ARFGEF1: variants seen among roughly 807,000 people sequenced by gnomAD.
ARFGEF1 encodes ARF guanine nucleotide exchange factor 1.
A neutral mutation model predicts 231.0 loss-of-function variants in ARFGEF1; 42 were observed. The ratio of observed to expected loss-of-function variants is 0.18; its 90% CI spans 0.14 to 0.24. ARFGEF1 has a LOEUF of 0.24. Ranked by LOEUF, ARFGEF1 falls within the 10% of genes least tolerant of loss-of-function variation. The pLI is 1.00. For missense variants in ARFGEF1, 1,345 were observed against 2,192.0 expected (o/e 0.61, Z 7.72); for synonymous variants, 710 against 732.3 (o/e 0.97, Z 0.49).
chr8:67,199,427 T>C lies in ARFGEF1; in HGVS notation c.5386-329A>G, dbSNP rs550530995. ...AGTTGAGATTTTATAAGCTATGGGTTACTGAAATTTTATCTTTTGTTACAT... is the reference window on the plus strand; with the variant it reads ...AGTTGAGATTTTATAAGCTATGGGTCACTGAAATTTTATCTTTTGTTACAT... On this transcript the variant is annotated intron_variant, in intron 38 of 38. Coordinates refer to ENST00000262215, the MANE Select transcript of ARFGEF1 (RefSeq NM_006421.5). 10 of 198,312 alleles carry C rather than the reference T, an allele frequency of 5.0e-5. No homozygotes were observed. In the South Asian group the frequency reaches 1.2e-3, roughly 24 times the overall value. 12.3% of individuals were successfully genotyped at this position (198,312 alleles called of 1,614,324 possible).
At chr8:67,296,317 TAA>T (rs990424088) in intron 5 of ARFGEF1, 112 bp downstream of exon 5, 1 of 982,438 alleles carries the variant, frequency 1.0e-6, no homozygotes, top group African/African-American at 1.6e-5. Flanking sequence ...GAAATGTAAA[TAA>T]AAGACATTCT....
chr8:67,214,890 AAAG>A (rs552228001), intron 33 of ARFGEF1, among the ~76,000 whole-genome samples: 31 of 152,320 alleles, frequency 2.0e-4, no homozygotes, highest in African/African-American at 6.0e-4. Flanking sequence ...CCTTTAAGAA[AAAG>A]AAGAACAACT....
At chr8:67,272,603 T>C (rs1805142859) in intron 9 of ARFGEF1, among the ~76,000 whole-genome samples, 1 of 152,198 alleles carries the variant, frequency 6.6e-6, no homozygotes, top group Admixed American at 6.5e-5. Context: ...CAAATCATCA[T>C]CAACTTGTCA....
At chr8:67,255,832 G>A (rs990034173) in intron 17 of ARFGEF1, among the ~76,000 whole-genome samples, 1 of 152,216 alleles carries the variant, frequency 6.6e-6, no homozygotes, top group African/African-American at 2.4e-5. Flanking sequence ...GCACTGTTAT[G>A]CTAAAGACGG....
chr8:67,190,803 A>G (rs747931153), intron 5 of ARFGEF1: 1 of 1,412,496 alleles, frequency 7.1e-7, no homozygotes, highest in Non-Finnish European at 1.0e-6. Context: ...TAGAAGAATG[A>G]GAGGTCTGGG....
intron 1 of ARFGEF1, among the ~76,000 whole-genome samples, chr8:67,340,954 G>T (rs1808597227): frequency 6.6e-6 from 1 of 152,202 alleles, no homozygotes; most frequent in Non-Finnish European, 1.5e-5. Flanking sequence ...ATGCTCATGA[G>T]TGGTAGGGAA....
At chr8:67,337,178 G>C (rs914762498) in intron 1 of ARFGEF1, among the ~76,000 whole-genome samples, 3 of 143,808 alleles carry the variant, frequency 2.1e-5, no homozygotes, top group Non-Finnish European at 4.5e-5. Flanking sequence ...AAATTATTTT[G>C]TGTTATTCTC....
Position 67,253,629 on chromosome 8 carries a change from A to G in ARFGEF1, c.2527-7T>C. The G allele has an allele frequency of 7.2e-7, 1 of 1,384,154 alleles. No homozygotes were observed. The highest frequency in any genetic ancestry group is 9.7e-7 in the Non-Finnish European group (1 of 1,027,292). 85.7% of individuals were successfully genotyped at this position (1,384,154 alleles called of 1,614,324 possible). ...TTGTCATTTTATTTTTCACCTAGAT[A>G]TGAAAAACCATTATAATTCCTAAAA... On this transcript the variant is annotated splice_polypyrimidine_tract_variant and splice_region_variant and intron_variant, in intron 17 of 38. Coordinates refer to ENST00000262215, the MANE Select transcript of ARFGEF1 (RefSeq NM_006421.5).
intron 6 of ARFGEF1, among the ~76,000 whole-genome samples, chr8:67,290,749 T>C (rs867962471): frequency 6.6e-6 from 1 of 152,196 alleles, no homozygotes; most frequent in Non-Finnish European, 1.5e-5. Context: ...GGGGGAAATT[T>C]TGGCAAGGGC....
chr8:67,279,357 C>T (rs1341319602), intron 7 of ARFGEF1, among the ~76,000 whole-genome samples: 2 of 152,244 alleles, frequency 1.3e-5, no homozygotes, highest in African/African-American at 4.8e-5. Flanking sequence ...TGCAGCACCA[C>T]AAAAATACAT....
intron 1 of ARFGEF1, among the ~76,000 whole-genome samples, chr8:67,305,338 T>C (rs1313891425): frequency 6.6e-6 from 1 of 152,158 alleles, no homozygotes; most frequent in Admixed American, 6.5e-5. Context: ...GAATAAATAA[T>C]GGCCAGTTCT....
rs775125363 is a variant in ARFGEF1 at position 67,310,969 on chromosome 8, G to GGGGTCAGCTCCCCA, written c.125-8504_125-8503insTGGGGAGCTGACCC. On this transcript the variant is annotated intron_variant, in intron 1 of 38. Coordinates refer to ENST00000262215, the MANE Select transcript of ARFGEF1 (RefSeq NM_006421.5). ...CCACCCCGTCCAGGAGGGAGGTGGG[G>GGGGTCAGCTCCCCA]CCCGGGAGGGAGGTTGGGGGGTCAG... 3.3e-3 allele frequency among the ~76,000 whole-genome samples: 15 copies of GGGGTCAGCTCCCCA among 4,600 alleles called. No homozygotes were observed. In the East Asian group the frequency reaches 0.036, roughly 11 times the overall value. 3.0% of individuals were successfully genotyped at this position (4,600 alleles called of 152,430 possible). A position where few individuals can be genotyped will look rare whatever the true frequency, so the allele number is the denominator to read the frequency against.
intron 8 of ARFGEF1, 99 bp downstream of exon 8, chr8:67,277,183 C>G (rs777428485): frequency 7.9e-5 from 93 of 1,174,902 alleles, no homozygotes; most frequent in Non-Finnish European, 1.1e-4. Flanking sequence ...AAAAATCAGG[C>G]AGCATCATCA....
rs141211584 is a variant in ARFGEF1 at position 67,301,070 on chromosome 8, T to C, written c.312+154A>G. Reference sequence around the variant, plus strand: ...TAGAAATATCTTTTTGCAACTATTATTATCTGTCTTAAATATAAAAAATCA... The same window carrying C: ...TAGAAATATCTTTTTGCAACTATTACTATCTGTCTTAAATATAAAAAATCA... On this transcript the variant is annotated intron_variant, in intron 3 of 38. Transcript: ENST00000262215. Among the ~76,000 whole-genome samples the C allele has an allele frequency of 1.4e-3, 216 of 152,322 alleles. 1 individual carries two copies. The highest frequency in any genetic ancestry group is 4.8e-3 in the African/African-American group (199 of 41,570).
At chr8:67,292,228 C>G in intron 5 of ARFGEF1, 105 bp from the exon 6 acceptor site, 1 of 931,732 alleles carries the variant, frequency 1.1e-6, no homozygotes, top group Non-Finnish European at 1.6e-6. Flanking sequence ...ATTCTCTCTA[C>G]GCTTGGAAAT....
intron 33 of ARFGEF1, among the ~76,000 whole-genome samples, chr8:67,212,516 A>G (rs758604755): frequency 2.0e-5 from 3 of 152,212 alleles, no homozygotes; most frequent in Non-Finnish European, 2.9e-5. Flanking sequence ...AATCCAAAAC[A>G]CTAGCAGCAC....
chr8:67,311,286 TGG>T (rs1223297174), intron 1 of ARFGEF1, among the ~76,000 whole-genome samples: 5 of 46,936 alleles, frequency 1.1e-4, no homozygotes, highest in African/African-American at 4.3e-4. Flanking sequence ...GGGAGGGAGG[TGG>T]GGGGGGTCAG....
rs34333039 is a variant in ARFGEF1, at chr8:67,244,242, C to CAAAA, written c.2851-3956_2851-3953dup. Among the ~76,000 whole-genome samples, 5 of 20,096 alleles carry CAAAA rather than the reference C, an allele frequency of 2.5e-4. 1 individual carries two copies. Among genetic ancestry groups the CAAAA allele is most frequent in the South Asian group, 2.7e-3 (1 of 368 alleles). The allele number at this position is 20,096 out of a possible 152,430, so 13.2% of individuals were successfully genotyped here. On this transcript the variant is annotated intron_variant, in intron 19 of 38. Coordinates refer to ENST00000262215, the MANE Select transcript of ARFGEF1 (RefSeq NM_006421.5). ...TGGGCGACAAAGCGAGACTCCACCT[C>CAAAA]AAAAAAAAAAAAAAAAAAAAAAAAA...
chr8:67,252,282 CAAA>C (rs57653248), intron 18 of ARFGEF1, among the ~76,000 whole-genome samples: 62 of 21,868 alleles, frequency 2.8e-3, no homozygotes, highest in African/African-American at 7.3e-3. Flanking sequence ...AACTCCATCT[CAAA>C]AAAAAAAAAA....
Sources: allele counts gnomAD v4.1 joint callset (sites outside exome capture counted in the v4.1 genomes callset), GRCh38; gene constraint gnomAD v4.1.1; transcripts MANE v1.5; gene names NCBI Gene and HGNC (gene_info 2026-07-23, HGNC 2026-07-21).